The following CNTNAP2 variants were observed in gnomAD, a reference collection of about 807,000 sequenced individuals.
The protein encoded by CNTNAP2 is contactin associated protein 2.
CNTNAP2 carries 98 observed loss-of-function variants against 155.2 expected under a neutral mutation model. The observed-to-expected ratio is 0.63, with a 90% CI of 0.54 to 0.75. The LOEUF (loss-of-function observed/expected upper bound fraction) is 0.75, where lower values mean the gene tolerates loss of function less well. CNTNAP2 is among the 30% of genes least tolerant of loss of function. CNTNAP2 has a pLI of 0.00. For synonymous variants in CNTNAP2, 651 were observed against 631.2 expected (o/e 1.03, Z -0.47); for missense variants, 1,727 against 1,688.1 (o/e 1.02, Z -0.40).
intron 8 of CNTNAP2, among the ~76,000 whole-genome samples, chr7:147,206,114 A>G (rs566915508): frequency 6.6e-6 from 1 of 152,284 alleles, no homozygotes; most frequent in African/African-American, 2.4e-5. Flanking sequence ...TCTTCATAAT[A>G]AAGACTAATG....
chr7:148,110,341 G>T (rs1585130621), intron 15 of CNTNAP2, among the ~76,000 whole-genome samples: 1 of 152,048 alleles, frequency 6.6e-6, no homozygotes, highest in Non-Finnish European at 1.5e-5. Context: ...CTGGAGGTCG[G>T]CTTCCTCAGC....
intron 1 of CNTNAP2, among the ~76,000 whole-genome samples, chr7:146,629,574 T>A (rs1799477212): frequency 1.3e-5 from 2 of 152,194 alleles, no homozygotes; most frequent in African/African-American, 2.4e-5. Flanking sequence ...GGCATATGAT[T>A]TCCTGAAAAT....
chr7:147,222,380 A>G (rs1280207698), intron 8 of CNTNAP2, among the ~76,000 whole-genome samples: 3 of 151,900 alleles, frequency 2.0e-5, no homozygotes, highest in Non-Finnish European at 4.4e-5. Flanking sequence ...AACCACATCA[A>G]AGTTACTTTT....
intron 1 of CNTNAP2, among the ~76,000 whole-genome samples, chr7:146,312,215 A>C (rs772958268): frequency 6.6e-6 from 1 of 152,178 alleles, no homozygotes; most frequent in Non-Finnish European, 1.5e-5. Flanking sequence ...ATTTTCTAAC[A>C]TCAATTTACT....
intron 19 of CNTNAP2, among the ~76,000 whole-genome samples, chr7:148,225,305 G>A (rs1181863489): frequency 6.6e-6 from 1 of 152,136 alleles, no homozygotes; most frequent in African/African-American, 2.4e-5. Context: ...CACTTTTAAT[G>A]AGGAAGTCAC....
intron 1 of CNTNAP2, among the ~76,000 whole-genome samples, chr7:146,440,776 A>G (rs1179721067): frequency 6.6e-6 from 1 of 151,684 alleles, no homozygotes; most frequent in Non-Finnish European, 1.5e-5. Flanking sequence ...ACTTGTGGTA[A>G]CATAAATACA....
intron 3 of CNTNAP2, among the ~76,000 whole-genome samples, chr7:146,924,140 A>G (rs1347259562): frequency 6.6e-6 from 1 of 152,090 alleles, no homozygotes; most frequent in South Asian, 2.1e-4. Flanking sequence ...TTCTGTCCCA[A>G]TAGTGGGTTC....
chr7:146,403,048 C>G (rs989531916), intron 1 of CNTNAP2, among the ~76,000 whole-genome samples: 4 of 152,064 alleles, frequency 2.6e-5, no homozygotes, highest in African/African-American at 9.7e-5. Flanking sequence ...GTTATTCATA[C>G]AAAATGTTGA....
intron 3 of CNTNAP2, among the ~76,000 whole-genome samples, chr7:146,922,728 G>T (rs1796530417): frequency 6.6e-6 from 1 of 152,106 alleles, no homozygotes; most frequent in East Asian, 1.9e-4. Flanking sequence ...TTGTAAATTG[G>T]AAGTAATAAT....
chr7:147,249,018 C>T, intron 8 of CNTNAP2, among the ~76,000 whole-genome samples: 1 of 152,160 alleles, frequency 6.6e-6, no homozygotes, highest in Non-Finnish European at 1.5e-5. Context: ...GGAAAACACA[C>T]ACACACATAC....
chr7:146,695,519 A>T (rs1489861995), intron 1 of CNTNAP2, among the ~76,000 whole-genome samples: 2 of 151,988 alleles, frequency 1.3e-5, no homozygotes, highest in Non-Finnish European at 1.5e-5. Flanking sequence ...GGCTCAGGTG[A>T]TTCTCCCACC....
intron 13 of CNTNAP2, among the ~76,000 whole-genome samples, chr7:147,864,235 T>C (rs1255436490): frequency 6.6e-6 from 1 of 152,196 alleles, no homozygotes; most frequent in Non-Finnish European, 1.5e-5. Context: ...ATCCAATGGT[T>C]ATAGATGTGT....
At chr7:146,201,382 G>C (rs1183948446) in intron 1 of CNTNAP2, among the ~76,000 whole-genome samples, 2 of 152,052 alleles carry the variant, frequency 1.3e-5, no homozygotes, top group South Asian at 2.1e-4. Context: ...TCCTAAAAAA[G>C]AAGAAATATC....
intron 1 of CNTNAP2, among the ~76,000 whole-genome samples, chr7:146,691,552 T>C (rs1301766777): frequency 6.6e-6 from 1 of 152,176 alleles, no homozygotes; most frequent in Admixed American, 6.5e-5. Flanking sequence ...AGTATGATTC[T>C]ACTCAATACT....
At chr7:147,109,789 CAGTT>C (rs1471106394) in intron 5 of CNTNAP2, among the ~76,000 whole-genome samples, 3 of 152,136 alleles carry the variant, frequency 2.0e-5, no homozygotes, top group Middle Eastern at 3.4e-3. Flanking sequence ...AGAGGAAGAA[CAGTT>C]AGTTAACTGT....
intron 13 of CNTNAP2, among the ~76,000 whole-genome samples, chr7:147,808,961 G>C (rs1362593024): frequency 6.6e-6 from 1 of 152,068 alleles, no homozygotes; most frequent in Non-Finnish European, 1.5e-5. Flanking sequence ...CCATTACATA[G>C]AATAAGTTGA....
At chr7:147,925,679 T>C (rs1800385324) in intron 14 of CNTNAP2, among the ~76,000 whole-genome samples, 1 of 152,168 alleles carries the variant, frequency 6.6e-6, no homozygotes, top group Non-Finnish European at 1.5e-5. Context: ...GCCAGGATAG[T>C]CTCGATCTCC....
At chr7:148,125,683 GTGTGTGTATATA>G (rs1804703551) in intron 16 of CNTNAP2, among the ~76,000 whole-genome samples, 3 of 140,966 alleles carry the variant, frequency 2.1e-5, no homozygotes, top group African/African-American at 8.1e-5. Flanking sequence ...GTGTGTGTGT[GTGTGTGTATATA>G]TATATAGTTT....
intron 9 of CNTNAP2, among the ~76,000 whole-genome samples, chr7:147,389,319 C>T (rs934246514): frequency 1.3e-5 from 2 of 152,184 alleles, no homozygotes; most frequent in African/African-American, 4.8e-5. Context: ...CCTTGGACCT[C>T]CCAACCTTCC....
Sources: gnomAD v4.1 joint callset for allele counts (sites outside exome capture counted in the v4.1 genomes callset) on GRCh38, gnomAD v4.1.1 for gene constraint, MANE v1.5 for transcripts, NCBI Gene and HGNC (gene_info 2026-07-23, HGNC 2026-07-21) for gene names.